EPHA7: variants seen among roughly 807,000 people sequenced by gnomAD.
EPHA7 encodes EPH receptor A7, also known as ephrin type-A receptor 7.
EPHA7 carries 25 observed loss-of-function variants against 112.6 expected under a neutral mutation model. The ratio of observed to expected loss-of-function variants is 0.22; its 90% CI spans 0.16 to 0.31. The LOEUF (loss-of-function observed/expected upper bound fraction) is 0.31, where lower values mean the gene tolerates loss of function less well. EPHA7 is among the 10% of genes least tolerant of loss of function. The pLI is 1.00. For synonymous variants in EPHA7, 437 were observed against 406.5 expected (o/e 1.07, Z -0.90); for missense variants, 962 against 1,212.6 (o/e 0.79, Z 3.07).
chr6:93,245,923 A>T (rs1018213350), intron 15 of EPHA7, among the ~76,000 whole-genome samples: 11 of 152,244 alleles, frequency 7.2e-5, no homozygotes, highest in African/African-American at 2.4e-4. Flanking sequence ...AAACCAGAGC[A>T]TCAATCTTAC....
At chr6:93,250,568 C>T (rs1199258698) in intron 14 of EPHA7, among the ~76,000 whole-genome samples, 1 of 152,020 alleles carries the variant, frequency 6.6e-6, no homozygotes, top group Non-Finnish European at 1.5e-5. Context: ...AGGCCACAGA[C>T]CAGAGCCTGT....
chr6:93,404,437 A>C (rs535499957), intron 3 of EPHA7, among the ~76,000 whole-genome samples: 2 of 151,974 alleles, frequency 1.3e-5, no homozygotes, highest in Non-Finnish European at 2.9e-5. Flanking sequence ...ATTGGTTAGG[A>C]ATAAGGATTC....
rs185253426 is a variant in EPHA7 at position 93,297,718 on chromosome 6, G to A, written c.1325-25296C>T. Among the ~76,000 whole-genome samples, 431 of 152,078 alleles carry A rather than the reference G, an allele frequency of 2.8e-3. 2 individuals are homozygous for A. The highest frequency in any genetic ancestry group is 3.6e-3 in the Non-Finnish European group (244 of 67,940). On this transcript the variant is annotated intron_variant, in intron 5 of 16. Coordinates refer to ENST00000369303, the MANE Select transcript of EPHA7 (RefSeq NM_004440.4). ...GCAATAGCACTTAGTGACCTACAGG[G>A]CAGCTATTTACTAAAAACAGGAACT...
intron 3 of EPHA7, among the ~76,000 whole-genome samples, chr6:93,392,530 A>G (rs908352355): frequency 6.6e-6 from 1 of 152,004 alleles, no homozygotes; most frequent in African/African-American, 2.4e-5. Flanking sequence ...ATATGACAAA[A>G]ATCTTATCAA....
chr6:93,347,317 A>ATTAACT (rs1375751229), intron 5 of EPHA7, among the ~76,000 whole-genome samples: 1 of 151,868 alleles, frequency 6.6e-6, no homozygotes, highest in African/African-American at 2.4e-5. Flanking sequence ...TTATTAGATG[A>ATTAACT]TTAACTGGCT....
intron 5 of EPHA7, among the ~76,000 whole-genome samples, chr6:93,332,650 C>CAA (rs1023008514): frequency 3.1e-4 from 47 of 151,492 alleles, no homozygotes; most frequent in African/African-American, 1.1e-3. Context: ...ATTCTGAAGA[C>CAA]AAAAGCAAGA....
chr6:93,318,957 A>G (rs1395364194), intron 5 of EPHA7, among the ~76,000 whole-genome samples: 1 of 152,140 alleles, frequency 6.6e-6, no homozygotes, highest in Non-Finnish European at 1.5e-5. Flanking sequence ...ATTCTTAAAT[A>G]AAAATGATAT....
At chr6:93,267,372 A>T (rs1426536940) in intron 7 of EPHA7, among the ~76,000 whole-genome samples, 1 of 151,710 alleles carries the variant, frequency 6.6e-6, no homozygotes, top group Non-Finnish European at 1.5e-5. Context: ...GGGTACAGAG[A>T]CCCAGCTCAT....
chr6:93,320,154 T>C (rs868329112), intron 5 of EPHA7, among the ~76,000 whole-genome samples: 4 of 152,172 alleles, frequency 2.6e-5, no homozygotes, highest in South Asian at 4.1e-4. Flanking sequence ...ATCCATTTCA[T>C]TGATTAGCTA....
chr6:93,369,743 T>C (rs756536079), intron 3 of EPHA7, among the ~76,000 whole-genome samples: 21 of 152,196 alleles, frequency 1.4e-4, no homozygotes, highest in Non-Finnish European at 2.8e-4. Context: ...TCCCAAAGCC[T>C]AGCACAATGT....
rs749228043 is a variant in EPHA7, at chr6:93,257,517, G to T, written c.2117C>A (p.Pro706Gln). Residue 706 changes from proline to glutamine, a missense_variant, in exon 12 of 17, where the codon CCA (proline) becomes CAA (glutamine). Pro to Gln is a moderately conservative substitution (Grantham distance 76). Coordinates refer to ENST00000369303, the MANE Select transcript of EPHA7 (RefSeq NM_004440.4). ...HLEGVVTRGK[P>Q]VMIVIEFMEN... ...CATGAACTCTATTACTATCATGACT[G>T]GTTTCCCTAAAATTAAAAAAAAAAA... The T allele has an allele frequency of 6.2e-7, 1 of 1,608,034 alleles. No homozygotes were observed. Among genetic ancestry groups the T allele is most frequent in the East Asian group, 2.2e-5 (1 of 44,700 alleles).
intron 5 of EPHA7, among the ~76,000 whole-genome samples, chr6:93,318,721 T>A (rs1752542069): frequency 6.6e-6 from 1 of 151,996 alleles, no homozygotes; most frequent in Non-Finnish European, 1.5e-5. Context: ...TCATGTAGTT[T>A]TTATGAAAAA....
chr6:93,251,402 C>A (rs1178285786), intron 14 of EPHA7, among the ~76,000 whole-genome samples: 1 of 151,614 alleles, frequency 6.6e-6, no homozygotes. Flanking sequence ...TTTTTAACAT[C>A]CTAATATCTA....
At chr6:93,285,196 A>T (rs1331347224) in intron 5 of EPHA7, among the ~76,000 whole-genome samples, 3 of 152,192 alleles carry the variant, frequency 2.0e-5, no homozygotes, top group Non-Finnish European at 4.4e-5. Flanking sequence ...ATACATTTTG[A>T]TTAGCTTTGC....
At chr6:93,293,260 T>C (rs1354386103) in intron 5 of EPHA7, among the ~76,000 whole-genome samples, 1 of 151,936 alleles carries the variant, frequency 6.6e-6, no homozygotes, top group African/African-American at 2.4e-5. Flanking sequence ...TTTTTAAAAT[T>C]TAAAACAATC....
At chr6:93,324,111 T>C (rs1279366787) in intron 5 of EPHA7, among the ~76,000 whole-genome samples, 3 of 151,460 alleles carry the variant, frequency 2.0e-5, no homozygotes, top group African/African-American at 7.3e-5. Context: ...ATTGCTACTG[T>C]CTTTTGATGT....
intron 5 of EPHA7, among the ~76,000 whole-genome samples, chr6:93,308,949 C>CT (rs747889940): frequency 0.12 from 17,483 of 144,944 alleles, 1,858 homozygotes; most frequent in African/African-American, 0.29. Context: ...ATAATTCAAA[C>CT]TTTTTTTTTT....
intron 3 of EPHA7, among the ~76,000 whole-genome samples, chr6:93,379,839 C>A (rs973556437): frequency 8.6e-5 from 13 of 151,966 alleles, no homozygotes; most frequent in Non-Finnish European, 1.5e-4. Context: ...AAACAATAAC[C>A]TAAACATACA....
intron 5 of EPHA7, among the ~76,000 whole-genome samples, chr6:93,335,473 T>C (rs1582543791): frequency 6.6e-6 from 1 of 152,058 alleles, no homozygotes; most frequent in East Asian, 1.9e-4. Flanking sequence ...AAGTTCTCAG[T>C]ATCATTAAGG....
Sources: allele counts gnomAD v4.1 joint callset (sites outside exome capture counted in the v4.1 genomes callset), GRCh38; gene constraint gnomAD v4.1.1; transcripts MANE v1.5; gene names NCBI Gene and HGNC (gene_info 2026-07-23, HGNC 2026-07-21).